TTLL11: variants seen among roughly 807,000 people sequenced by gnomAD.
TTLL11 encodes the protein tubulin tyrosine ligase like 11.
A neutral mutation model predicts 51.7 loss-of-function variants in TTLL11; 42 were observed. The observed-to-expected ratio is 0.81, with a 90% CI of 0.64 to 1.05. The LOEUF (loss-of-function observed/expected upper bound fraction) is 1.05, where lower values mean the gene tolerates loss of function less well. TTLL11 is among the 50% of genes least tolerant of loss of function. The pLI is 0.00. For synonymous variants in TTLL11, 381 were observed against 383.5 expected (o/e 0.99, Z 0.08); for missense variants, 799 against 940.4 (o/e 0.85, Z 1.97).
intron 8 of TTLL11, among the ~76,000 whole-genome samples, chr9:121,836,992 T>C (rs2119135633): frequency 6.6e-6 from 1 of 152,360 alleles, no homozygotes. Context: ...TCAATATCTG[T>C]ATCCATATAA....
chr9:122,080,622 G>C (rs1845981147), intron 1 of TTLL11, among the ~76,000 whole-genome samples: 1 of 152,050 alleles, frequency 6.6e-6, no homozygotes, highest in African/African-American at 2.4e-5. Context: ...GAGGCCAGGA[G>C]TTCAAGGGTG....
At chr9:121,882,679 G>T (rs934022711) in intron 6 of TTLL11, among the ~76,000 whole-genome samples, 2 of 151,772 alleles carry the variant, frequency 1.3e-5, no homozygotes, top group East Asian at 1.9e-4. Context: ...CCTGTACCTC[G>T]TGCCACCTCT....
chr9:121,824,018 C>A (rs1225768519), intron 8 of TTLL11, among the ~76,000 whole-genome samples: 2 of 152,200 alleles, frequency 1.3e-5, no homozygotes, highest in Non-Finnish European at 2.9e-5. Flanking sequence ...GGTCTCCATC[C>A]TCCTCTCTGG....
At chr9:121,902,646 T>A (rs995183066) in intron 6 of TTLL11, among the ~76,000 whole-genome samples, 1 of 150,054 alleles carries the variant, frequency 6.7e-6, no homozygotes, top group Non-Finnish European at 1.5e-5. Context: ...CTCACTCTCC[T>A]TTTTCGTGCC....
intron 3 of TTLL11, among the ~76,000 whole-genome samples, chr9:121,993,710 T>C (rs887131294): frequency 1.3e-5 from 2 of 152,084 alleles, no homozygotes; most frequent in African/African-American, 4.8e-5. Context: ...AGCAGGGCAT[T>C]TGGAGGAAGC....
intron 6 of TTLL11, among the ~76,000 whole-genome samples, chr9:121,906,082 C>A (rs932159664): frequency 1.3e-5 from 2 of 152,144 alleles, no homozygotes; most frequent in African/African-American, 4.8e-5. Flanking sequence ...ATATTTCACA[C>A]AGGAGTATGG....
In TTLL11 at chr9:121,989,033, C is replaced by T. The variant is rs55693486; in HGVS notation, c.1269+162G>A. On this transcript the variant is annotated intron_variant, in intron 4 of 8. Coordinates refer to ENST00000321582, the MANE Select transcript of TTLL11 (RefSeq NM_001139442.2). The surrounding 1 kb of genome is among the most constrained non-coding windows in gnomAD (Gnocchi z 4.2). ...AATCACACAGGGAGCAAACAGAAAG[C>T]TTGGAAGTTGGGCCCAGGTTTAACA... 18,729 of 1,493,982 alleles carry T rather than the reference C, an allele frequency of 0.013. 168 individuals are homozygous for T. Among genetic ancestry groups the T allele is most frequent in the African/African-American group, 0.031 (2,241 of 71,454 alleles). 92.5% of individuals were successfully genotyped at this position (1,493,982 alleles called of 1,614,324 possible). A position where few individuals can be genotyped will look rare whatever the true frequency, so the allele number is the denominator to read the frequency against.
intron 1 of TTLL11, among the ~76,000 whole-genome samples, chr9:122,078,925 T>C (rs1845929309): frequency 6.6e-6 from 1 of 152,204 alleles, no homozygotes; most frequent in South Asian, 2.1e-4. Context: ...ACAAAGCTCA[T>C]TCTTACGAAG....
rs954448803 is a variant in TTLL11, at chr9:121,821,588, G to T, written c.*999C>A. 1.4e-4 allele frequency among the ~76,000 whole-genome samples: 21 copies of T among 152,120 alleles called. No homozygotes were observed. The highest frequency in any genetic ancestry group is 5.1e-4 in the African/African-American group (21 of 41,420). On this transcript the variant is annotated 3_prime_UTR_variant, in exon 9 of 9. Transcript: ENST00000321582. The surrounding 1 kb of genome is among the most constrained non-coding windows in gnomAD (Gnocchi z 5.0). ...AATGCCACCTTCTGCTGCCTGTGAG[G>T]CGTTTCCTCCGAGAGGGGGGCTACC...
At chr9:121,860,144 T>C (rs73540838) in intron 8 of TTLL11, among the ~76,000 whole-genome samples, 193 bp downstream of exon 8, 2,666 of 152,332 alleles carry the variant, frequency 0.018, 54 homozygotes, top group African/African-American at 0.06. Flanking sequence ...CAAGGAATGC[T>C]AACGGTGGTA....
Position 121,822,932 on chromosome 9 carries a change from C to T in TTLL11, c.1841-53G>A. On this transcript the variant is annotated intron_variant, in intron 8 of 8. Coordinates refer to ENST00000321582, the MANE Select transcript of TTLL11 (RefSeq NM_001139442.2). The surrounding 1 kb of genome is among the most constrained non-coding windows in gnomAD (Gnocchi z 5.8). ...GTGCACACAGCTGCCCTACGCTGCCCTGGGAAGGCCCACCTCCAGCCACAA... is the reference window on the plus strand; with the variant it reads ...GTGCACACAGCTGCCCTACGCTGCCTTGGGAAGGCCCACCTCCAGCCACAA... 1 of 1,479,496 alleles carries T rather than the reference C, an allele frequency of 6.8e-7. No individual in the cohort carries two copies. The highest frequency in any genetic ancestry group is 1.4e-5 in the South Asian group (1 of 71,982). 91.6% of individuals were successfully genotyped at this position (1,479,496 alleles called of 1,614,324 possible).
chr9:121,841,995 C>A (rs1837366171), intron 8 of TTLL11, among the ~76,000 whole-genome samples: 1 of 152,068 alleles, frequency 6.6e-6, no homozygotes, highest in African/African-American at 2.4e-5. Flanking sequence ...ATGCAGAGCT[C>A]CCCGAGAGCA....
At chr9:121,870,817 G>A (rs4370602) in intron 6 of TTLL11, 69 bp from the exon 7 acceptor site, 1,013,768 of 1,454,006 alleles carry the variant, frequency 0.7, 355,803 homozygotes, top group East Asian at 0.9. Context: ...GAGATTTACA[G>A]CCTCCTCGGG....
At chr9:121,991,645 T>C (rs1251093809) in intron 3 of TTLL11, among the ~76,000 whole-genome samples, 1 of 152,216 alleles carries the variant, frequency 6.6e-6, no homozygotes, top group African/African-American at 2.4e-5. Flanking sequence ...AGAGCAATAT[T>C]TTCTCCTTTG....
At chr9:121,855,539 C>T (rs7032129) in intron 8 of TTLL11, among the ~76,000 whole-genome samples, 2,490 of 152,258 alleles carry the variant, frequency 0.016, 79 homozygotes, top group African/African-American at 0.057. Flanking sequence ...AGTCTTATAA[C>T]GGCAGAAGGA....
At position 121,822,355 on chromosome 9, in the gene TTLL11, T is replaced by C. The variant is rs1048551157; in HGVS notation, c.*232A>G. On this transcript the variant is annotated 3_prime_UTR_variant, in exon 9 of 9. Transcript: ENST00000321582. The surrounding 1 kb of genome is among the most constrained non-coding windows in gnomAD (Gnocchi z 5.8). ...CACGTTTTAGATGTCATATGTCCGA[T>C]GACTGATGACTCAGAAACAGGGTGT... The C allele has an allele frequency of 1.3e-5, 5 of 391,368 alleles. No individual in the cohort carries two copies. Among genetic ancestry groups the C allele is most frequent in the Non-Finnish European group, 2.3e-5 (5 of 220,062 alleles). The allele number at this position is 391,368 out of a possible 1,614,324, so 24.2% of individuals were successfully genotyped here.
At chr9:121,908,395 G>C (rs1225865842) in intron 6 of TTLL11, among the ~76,000 whole-genome samples, 1 of 152,188 alleles carries the variant, frequency 6.6e-6, no homozygotes, top group Non-Finnish European at 1.5e-5. Flanking sequence ...GGCCAAGGCA[G>C]CATCATAACA....
chr9:121,987,190 A>G (rs777800632), intron 4 of TTLL11, among the ~76,000 whole-genome samples: 1 of 152,172 alleles, frequency 6.6e-6, no homozygotes, highest in African/African-American at 2.4e-5. Flanking sequence ...GGGCAGGGAC[A>G]TGGTTTGGGG....
chr9:122,007,395 A>C (rs1843686205), intron 3 of TTLL11, among the ~76,000 whole-genome samples: 1 of 151,798 alleles, frequency 6.6e-6, no homozygotes, highest in East Asian at 1.9e-4. Context: ...GAATCACTTG[A>C]ACCCGGGAGG....
Sources: allele counts gnomAD v4.1 joint callset (sites outside exome capture counted in the v4.1 genomes callset), GRCh38; gene constraint gnomAD v4.1.1; non-coding constraint Gnocchi (gnomAD v3.1); transcripts MANE v1.5; gene names NCBI Gene and HGNC (gene_info 2026-07-23, HGNC 2026-07-21).